YWHAE: variants seen among roughly 807,000 people sequenced by gnomAD.
YWHAE encodes the protein 14-3-3 protein epsilon.
Under a neutral mutation model 30.1 loss-of-function variants are expected in YWHAE, and 4 were observed. The ratio of observed to expected loss-of-function variants is 0.13; its 90% CI spans 0.07 to 0.30. The LOEUF (loss-of-function observed/expected upper bound fraction) is 0.30. Among genes scored for constraint, YWHAE ranks in the 10% least tolerant of loss-of-function variants. The pLI, the probability that YWHAE is intolerant of heterozygous loss-of-function variation, is 1.00. For missense variants in YWHAE, 121 were observed against 315.9 expected, an observed-to-expected ratio of 0.38 and a Z score of 4.68; for synonymous variants, 118 against 111.8, an observed-to-expected ratio of 1.06 and a Z score of -0.35.
intron 1 of YWHAE, among the ~76,000 whole-genome samples, chr17:1,373,308 C>T (rs2073069492): frequency 6.6e-6 from 1 of 151,976 alleles, no homozygotes; most frequent in South Asian, 2.1e-4. Flanking sequence ...CACGGATCCC[C>T]AAAACAATTA....
chr17:1,397,897 G>GGA (rs984066097), intron 1 of YWHAE, among the ~76,000 whole-genome samples: 3 of 151,958 alleles, frequency 2.0e-5, no homozygotes, highest in Admixed American at 6.6e-5. Context: ...ATCCTGAAGG[G>GGA]GACACCTAAC....
At chr17:1,389,113 A>G (rs568881794) in intron 1 of YWHAE, among the ~76,000 whole-genome samples, 2 of 152,068 alleles carry the variant, frequency 1.3e-5, no homozygotes, top group African/African-American at 4.8e-5. Flanking sequence ...CTACAGACAC[A>G]TGCCACTAGG....
intron 1 of YWHAE, among the ~76,000 whole-genome samples, chr17:1,370,382 T>A (rs543962193): frequency 3.3e-5 from 5 of 151,828 alleles, no homozygotes; most frequent in Admixed American, 2.6e-4. Flanking sequence ...CCGCCCGCCT[T>A]GGCCTCCCAA....
At chr17:1,348,005 G>C in intron 5 of YWHAE, 3 of 1,010,544 alleles carry the variant, frequency 3.0e-6, no homozygotes, top group Non-Finnish European at 3.6e-6. Flanking sequence ...TTTCCTTTAG[G>C]AATCTATATT....
At position 1,381,009 on chromosome 17, in the gene YWHAE, A is replaced by T. The variant is rs1348982649; in HGVS notation, c.65-15951T>A. Among the ~76,000 whole-genome samples the T allele has an allele frequency of 7.9e-5, 12 of 152,202 alleles. No homozygotes were observed. The East Asian group carries it at 2.3e-3, about 29-fold the overall frequency. On this transcript the variant is annotated intron_variant, in intron 1 of 5. Transcript: ENST00000264335. ...CCTGATTAGACTGTAACTCTTCCAT[A>T]GTAGGTATTATAAGTAACGATTTTA...
At chr17:1,349,986 CTT>C (rs1426903374) in intron 5 of YWHAE, among the ~76,000 whole-genome samples, 2 of 144,642 alleles carry the variant, frequency 1.4e-5, no homozygotes, top group Admixed American at 7.0e-5. Flanking sequence ...AAGTTTCTCT[CTT>C]GTTGCCCAGG....
rs566935846 is a variant in YWHAE, at chr17:1,345,289, T to TAAAA, written c.*154_*157dup. ...CCTTTAAGAACTTTTGAAAACTGTT[T>TAAAA]AAAAAAAAAAAAAAAAAACCAACAG... is the stretch of plus-strand genomic sequence containing the variant. On this transcript the variant is annotated 3_prime_UTR_variant, in exon 6 of 6. Coordinates refer to ENST00000264335, the MANE Select transcript of YWHAE (RefSeq NM_006761.5). 1,028 of 507,516 alleles carry TAAAA rather than the reference T, an allele frequency of 2.0e-3. No homozygotes were observed. The highest frequency in any genetic ancestry group is 3.9e-3 in the South Asian group (140 of 36,292). The allele number at this position is 507,516 out of a possible 1,614,324, so 31.4% of individuals were successfully genotyped here.
At chr17:1,357,438 G>A (rs1274652825) in intron 4 of YWHAE, among the ~76,000 whole-genome samples, 1 of 151,158 alleles carries the variant, frequency 6.6e-6, no homozygotes, top group Non-Finnish European at 1.5e-5. Flanking sequence ...AAATTAACCG[G>A]GCGTGGTGGC....
In YWHAE at chr17:1,344,561, T is replaced by C. The variant is rs3751905; in HGVS notation, c.*886A>G. ...ATATTTGGCATTTTTAATTTAGGTTTGTTTTATTTAAGTTTAATGTTAATT... is the reference window on the plus strand; with the variant it reads ...ATATTTGGCATTTTTAATTTAGGTTCGTTTTATTTAAGTTTAATGTTAATT... On this transcript the variant is annotated 3_prime_UTR_variant, in exon 6 of 6. Transcript: ENST00000264335. The C allele has an allele frequency of 9.7e-5, 21 of 217,098 alleles. No homozygotes were observed. In the East Asian group the frequency reaches 1.4e-3, roughly 15 times the overall value. 13.4% of individuals were successfully genotyped at this position (217,098 alleles called of 1,614,324 possible). A position where few individuals can be genotyped will look rare whatever the true frequency, so the allele number is the denominator to read the frequency against.
intron 1 of YWHAE, among the ~76,000 whole-genome samples, chr17:1,390,901 T>C (rs2073380142): frequency 6.6e-6 from 1 of 152,210 alleles, no homozygotes; most frequent in Non-Finnish European, 1.5e-5. Context: ...CATGGTCATA[T>C]GGTCTGAACT....
chr17:1,351,343 A>G (rs956005429), intron 5 of YWHAE, among the ~76,000 whole-genome samples: 8 of 151,700 alleles, frequency 5.3e-5, no homozygotes, highest in African/African-American at 1.9e-4. Context: ...GCACCACTGC[A>G]CTCCAGCCTG....
At chr17:1,361,547 T>A in intron 3 of YWHAE, 1 of 450,278 alleles carries the variant, frequency 2.2e-6, no homozygotes, top group Non-Finnish European at 3.9e-6. Context: ...CTCTAAAAAT[T>A]AATAAAATTA....
At position 1,393,049 on chromosome 17, in the gene YWHAE, A is replaced by G. The variant is rs531837630; in HGVS notation, c.64+6998T>C. On this transcript the variant is annotated intron_variant, in intron 1 of 5. Transcript: ENST00000264335. ...TGAAACCCCATCTCTACTAAAACAC[A>G]AAAGAAATTAGCTGGGAGTGGTGGA... Among the ~76,000 whole-genome samples, 70 of 151,794 alleles carry G rather than the reference A, an allele frequency of 4.6e-4. 1 individual carries two copies. Among genetic ancestry groups the G allele is most frequent in the Admixed American group, 4.3e-3 (65 of 15,188 alleles).
intron 4 of YWHAE, among the ~76,000 whole-genome samples, chr17:1,358,943 T>A (rs139819023): frequency 0.01 from 1,568 of 150,932 alleles, 23 homozygotes; most frequent in African/African-American, 0.037. Context: ...GAGACTAGCC[T>A]GGCCAACACT....
intron 1 of YWHAE, among the ~76,000 whole-genome samples, chr17:1,386,914 ATTG>A (rs2073308725): frequency 1.3e-5 from 2 of 152,048 alleles, no homozygotes; most frequent in Non-Finnish European, 2.9e-5. Context: ...AGATCGCGCC[ATTG>A]CACTCCAGTC....
intron 5 of YWHAE, among the ~76,000 whole-genome samples, chr17:1,353,776 A>G (rs367934202): frequency 7.5e-6 from 1 of 133,744 alleles, no homozygotes; most frequent in Admixed American, 7.7e-5. Flanking sequence ...AAAAAAAAAA[A>G]AGAGACCCAA....
At chr17:1,346,158 C>T in intron 5 of YWHAE, among the ~76,000 whole-genome samples, 1 of 152,094 alleles carries the variant, frequency 6.6e-6, no homozygotes, top group East Asian at 1.9e-4. Flanking sequence ...TTGTCTTTTG[C>T]CTTTAAAGAG....
intron 1 of YWHAE, among the ~76,000 whole-genome samples, chr17:1,369,504 A>T (rs985422144): frequency 3.9e-5 from 6 of 152,194 alleles, no homozygotes; most frequent in African/African-American, 1.2e-4. Context: ...CAAAAAATAA[A>T]TAAACTGTAC....
At chr17:1,358,402 G>C (rs1388795510) in intron 4 of YWHAE, among the ~76,000 whole-genome samples, 1 of 152,058 alleles carries the variant, frequency 6.6e-6, no homozygotes, top group African/African-American at 2.4e-5. Flanking sequence ...ACCACGCCCG[G>C]CTGATTTTTT....
Sources: allele counts gnomAD v4.1 joint callset (sites outside exome capture counted in the v4.1 genomes callset), GRCh38; gene constraint gnomAD v4.1.1; transcripts MANE v1.5; gene names NCBI Gene and HGNC (gene_info 2026-07-23, HGNC 2026-07-21).